TRAPPC8: variants seen among roughly 807,000 people sequenced by gnomAD.
TRAPPC8 encodes the protein general sporulation gene 1 homolog.
In TRAPPC8, 54 loss-of-function variants were observed where a neutral mutation model predicts 174.3. The observed-to-expected ratio is 0.31, with a 90% confidence interval of 0.25 to 0.39. The LOEUF is 0.39. TRAPPC8 is among the 10% of genes least tolerant of loss of function. The pLI is 1.00. For missense variants in TRAPPC8, 1,531 were observed against 1,699.1 expected (o/e 0.90, Z 1.74); for synonymous variants, 630 against 579.9 (o/e 1.09, Z -1.24).
At chr18:31,904,972 G>C (rs930598314) in intron 9 of TRAPPC8, among the ~76,000 whole-genome samples, 5 of 151,442 alleles carry the variant, frequency 3.3e-5, no homozygotes, top group African/African-American at 1.2e-4. Context: ...GGAGGATGCA[G>C]TGAGCTGAGA....
intron 12 of TRAPPC8, among the ~76,000 whole-genome samples, chr18:31,876,176 T>C (rs1298713094): frequency 6.6e-6 from 1 of 152,058 alleles, no homozygotes; most frequent in African/African-American, 2.4e-5. Context: ...TCAATTTTTT[T>C]AAAAGGAGAG....
chr18:31,931,083 ATTTT>A (rs2145624682), intron 2 of TRAPPC8, among the ~76,000 whole-genome samples: 1 of 152,310 alleles, frequency 6.6e-6, no homozygotes, highest in Non-Finnish European at 1.5e-5. Context: ...TCACAAAAGA[ATTTT>A]TTAATTTACT....
chr18:31,899,878 G>A (rs542845135), intron 10 of TRAPPC8, among the ~76,000 whole-genome samples: 1 of 151,994 alleles, frequency 6.6e-6, no homozygotes, highest in East Asian at 1.9e-4. Context: ...CCTAGGAGGT[G>A]GAGGTAGCAA....
intron 16 of TRAPPC8, 86 bp from the exon 17 acceptor site, chr18:31,867,562 A>T: frequency 2.2e-6 from 2 of 896,702 alleles, no homozygotes; most frequent in Admixed American, 2.5e-5. Flanking sequence ...CTTCAAAAAA[A>T]TAACACTAAT....
intron 4 of TRAPPC8, among the ~76,000 whole-genome samples, chr18:31,914,755 G>A (rs1349181618): frequency 1.3e-5 from 2 of 152,222 alleles, no homozygotes; most frequent in African/African-American, 2.4e-5. Flanking sequence ...TGCACCAAAA[G>A]CCAAAATAAG....
At chr18:31,880,090 AATATATATAT>A (rs1246506445) in intron 12 of TRAPPC8, among the ~76,000 whole-genome samples, 3 of 85,378 alleles carry the variant, frequency 3.5e-5, no homozygotes, top group African/African-American at 5.2e-5. Context: ...TGAAAAAAAA[AATATATATAT>A]ATATATATAT....
At chr18:31,841,092 A>G (rs955435864) in intron 26 of TRAPPC8, among the ~76,000 whole-genome samples, 7 of 152,196 alleles carry the variant, frequency 4.6e-5, no homozygotes, top group African/African-American at 1.7e-4. Context: ...ATGAAAATTG[A>G]CCAAAAATAT....
intron 18 of TRAPPC8, 131 bp downstream of exon 18, chr18:31,866,718 T>C: frequency 1.0e-6 from 1 of 995,406 alleles, no homozygotes. Context: ...TTGTCATTCT[T>C]ACATCTGGCT....
intron 2 of TRAPPC8, among the ~76,000 whole-genome samples, chr18:31,926,073 G>A (rs911642204): frequency 2.6e-5 from 4 of 152,156 alleles, no homozygotes; most frequent in African/African-American, 9.7e-5. Flanking sequence ...GCCTCGGACA[G>A]CAACCAGTCC....
intron 3 of TRAPPC8, among the ~76,000 whole-genome samples, chr18:31,917,284 G>T (rs1044666049): frequency 1.3e-5 from 2 of 151,908 alleles, no homozygotes; most frequent in South Asian, 2.1e-4. Flanking sequence ...TTTCTAAAAT[G>T]GCTAAAAAAG....
intron 12 of TRAPPC8, among the ~76,000 whole-genome samples, chr18:31,878,739 G>A (rs1310184088): frequency 3.3e-5 from 5 of 152,142 alleles, no homozygotes; most frequent in Non-Finnish European, 7.4e-5. Context: ...CCTATCTTCT[G>A]TGTAACGAGA....
rs2145198493 is a variant in TRAPPC8, at chr18:31,871,095, T to C, written c.2088A>G (p.Val696=). ...ADGEKQAATH[V]SLDQEYDSES... ...CAGAATCATATTCTTGATCAAGACT[T>C]ACATGAGTAGCTGCTTGTTTTTCAC... is the stretch of plus-strand genomic sequence containing the variant. Residue 696 remains valine, a synonymous_variant, in exon 15 of 29, where the codon GTA becomes GTG. Coordinates refer to ENST00000283351, the MANE Select transcript of TRAPPC8 (RefSeq NM_014939.5). The C allele has an allele frequency of 1.9e-6, 3 of 1,572,382 alleles. No individual in the cohort carries two copies. The South Asian group carries it at 3.5e-5, about 19-fold the overall frequency.
intron 12 of TRAPPC8, among the ~76,000 whole-genome samples, chr18:31,880,250 CAAT>C (rs573681998): frequency 8.6e-5 from 13 of 150,532 alleles, no homozygotes; most frequent in Non-Finnish European, 1.5e-4. Flanking sequence ...CAAAAACCAT[CAAT>C]AAAATACTAG....
chr18:31,930,558 A>C (rs77855247), intron 2 of TRAPPC8, among the ~76,000 whole-genome samples: 1,546 of 152,342 alleles, frequency 0.01, 12 homozygotes, highest in Non-Finnish European at 0.016. Flanking sequence ...TTCCCTCTAA[A>C]ATATCTACCC....
chr18:31,866,826 T>C, intron 18 of TRAPPC8, 23 bp downstream of exon 18: 6 of 1,599,078 alleles, frequency 3.8e-6, no homozygotes, highest in Non-Finnish European at 5.1e-6. Context: ...TTTCTAATTG[T>C]TTACCAATGC....
intron 7 of TRAPPC8, among the ~76,000 whole-genome samples, 162 bp from the exon 8 acceptor site, chr18:31,908,580 A>G (rs1162576946): frequency 6.6e-6 from 1 of 152,158 alleles, no homozygotes; most frequent in African/African-American, 2.4e-5. Context: ...TTGAAAATGA[A>G]TAAGCCTCTT....
chr18:31,832,153 G>C lies in TRAPPC8; in HGVS notation c.4004C>G (p.Thr1335Ser), dbSNP rs766023983. 1.3e-6 allele frequency: 2 copies of C among 1,547,042 alleles called. No homozygotes were observed. ...CTTAGAACAATTGGAAAGTAAAAGA[G>C]TGACTGGTACTAAACAAAGGCTATG... ...HQKSLCLVPV[T>S]LLLSNCSKAD... The change falls in exon 28 of 29, where the codon ACT (threonine) becomes AGT (serine). Residue 1335 changes from threonine to serine, a missense_variant. Physicochemically the swap from Thr to Ser is moderately conservative, Grantham distance 58 (BLOSUM62 1). Coordinates refer to ENST00000283351, the MANE Select transcript of TRAPPC8 (RefSeq NM_014939.5).
At chr18:31,856,552 A>C (rs1173277881) in intron 20 of TRAPPC8, among the ~76,000 whole-genome samples, 1 of 152,114 alleles carries the variant, frequency 6.6e-6, no homozygotes, top group Non-Finnish European at 1.5e-5. Flanking sequence ...TTCTGAAGCT[A>C]CTGAATGACT....
chr18:31,928,908 T>C (rs1302837528), intron 2 of TRAPPC8, among the ~76,000 whole-genome samples: 1 of 151,284 alleles, frequency 6.6e-6, no homozygotes, highest in Non-Finnish European at 1.5e-5. Context: ...AGGCCAGGAG[T>C]GGTGGCTCAC....
Sources: allele counts gnomAD v4.1 joint callset (sites outside exome capture counted in the v4.1 genomes callset), GRCh38; gene constraint gnomAD v4.1.1; transcripts MANE v1.5; gene names NCBI Gene and HGNC (gene_info 2026-07-23, HGNC 2026-07-21).